HIVEP2: variants seen among roughly 807,000 people sequenced by gnomAD.
HIVEP2 encodes the protein HIVEP zinc finger 2.
Under a neutral mutation model 180.7 loss-of-function variants are expected in HIVEP2, and 14 were observed. The observed-to-expected ratio is 0.08, with a 90% CI of 0.05 to 0.12. The LOEUF (loss-of-function observed/expected upper bound fraction) is 0.12, where lower values mean the gene tolerates loss of function less well. HIVEP2 is among the 10% of genes least tolerant of loss of function. The probability of loss-of-function intolerance (pLI) is 1.00; values close to 1 mark genes in which losing one functional copy is unlikely to be tolerated. For synonymous variants in HIVEP2, 1,184 were observed against 1,136.4 expected, an observed-to-expected ratio of 1.04 and a Z score of -0.84; for missense variants, 2,579 against 3,008.5, an observed-to-expected ratio of 0.86 and a Z score of 3.34.
At chr6:142,837,389 G>T (rs1775251372) in intron 1 of HIVEP2, among the ~76,000 whole-genome samples, 1 of 152,018 alleles carries the variant, frequency 6.6e-6, no homozygotes, top group Admixed American at 6.6e-5. Context: ...TATTGCTTTG[G>T]AATTATACTC....
intron 2 of HIVEP2, among the ~76,000 whole-genome samples, chr6:142,788,914 T>C (rs1042422671): frequency 2.3e-4 from 35 of 152,206 alleles, no homozygotes; most frequent in Non-Finnish European, 4.4e-4. Context: ...GAACTTAATA[T>C]TTAAATAAAA....
chr6:142,924,990 A>T (rs1777770937), intron 1 of HIVEP2, among the ~76,000 whole-genome samples: 1 of 152,186 alleles, frequency 6.6e-6, no homozygotes, highest in African/African-American at 2.4e-5. Context: ...TTGCGGCCAC[A>T]TCTTTTGAGG....
In HIVEP2 at chr6:142,943,956, C is replaced by G. The variant is rs1002377908; in HGVS notation, c.-641+1143G>C. ...ATTATTGCTTCTCTCCTCCAAGTGT[C>G]TTGATTAAGGACCCTCTCTCTTCTC... is the stretch of plus-strand genomic sequence containing the variant. On this transcript the variant is annotated intron_variant, in intron 1 of 9. Transcript: ENST00000367603. The surrounding 1 kb of genome is among the most constrained non-coding windows in gnomAD (Gnocchi z 4.5). Among the ~76,000 whole-genome samples the G allele has an allele frequency of 6.6e-6, 1 of 152,180 alleles. No homozygotes were observed. Among genetic ancestry groups the G allele is most frequent in the African/African-American group, 2.4e-5 (1 of 41,438 alleles).
intron 1 of HIVEP2, among the ~76,000 whole-genome samples, chr6:142,883,599 A>T (rs1452857699): frequency 6.6e-6 from 1 of 152,170 alleles, no homozygotes; most frequent in Non-Finnish European, 1.5e-5. Flanking sequence ...TTCTAATAAC[A>T]TCCCTTACAA....
chr6:142,869,434 T>C lies in HIVEP2; in HGVS notation c.-640-32387A>G, dbSNP rs1458025975. On this transcript the variant is annotated intron_variant, in intron 1 of 9. Coordinates refer to ENST00000367603, the MANE Select transcript of HIVEP2 (RefSeq NM_006734.4). Reference sequence around the variant, plus strand: ...TTCTGACTCAGAATAAAAAAATTATTTCATAAAAATAATGTGTTCAAATGT... The same window carrying C: ...TTCTGACTCAGAATAAAAAAATTATCTCATAAAAATAATGTGTTCAAATGT... Among the ~76,000 whole-genome samples the C allele has an allele frequency of 2.0e-5, 3 of 152,180 alleles. No homozygotes were observed. The East Asian group carries it at 5.8e-4, about 29-fold the overall frequency.
chr6:142,933,970 T>C (rs1351470492), intron 1 of HIVEP2, among the ~76,000 whole-genome samples: 1 of 152,284 alleles, frequency 6.6e-6, no homozygotes, highest in Non-Finnish European at 1.5e-5. Context: ...CTGAATACTT[T>C]GTGACACAAG....
intron 3 of HIVEP2, among the ~76,000 whole-genome samples, chr6:142,781,920 A>G (rs964864273): frequency 1.3e-5 from 2 of 152,196 alleles, no homozygotes; most frequent in East Asian, 1.9e-4. Flanking sequence ...AGGGTTGTCA[A>G]TCTGGGATCT....
Position 142,943,588 on chromosome 6 carries a change from C to G in HIVEP2, c.-641+1511G>C, listed in dbSNP as rs1371780560. Among the ~76,000 whole-genome samples, 1 of 152,076 alleles carries G rather than the reference C, an allele frequency of 6.6e-6. No individual in the cohort carries two copies. Among genetic ancestry groups the G allele is most frequent in the Non-Finnish European group, 1.5e-5 (1 of 68,026 alleles). ...CTGGGTATGCTAGAAAAACACAGAT[C>G]TCTTGTGAATTATTGAGGTCCAGCT... On this transcript the variant is annotated intron_variant, in intron 1 of 9. Transcript: ENST00000367603. The surrounding 1 kb of genome is among the most constrained non-coding windows in gnomAD (Gnocchi z 4.5).
At chr6:142,840,635 T>C (rs1406020422) in intron 1 of HIVEP2, among the ~76,000 whole-genome samples, 1 of 152,152 alleles carries the variant, frequency 6.6e-6, no homozygotes, top group Non-Finnish European at 1.5e-5. Context: ...TTACTAGCCA[T>C]ATGATATTCC....
intron 2 of HIVEP2, among the ~76,000 whole-genome samples, chr6:142,823,426 G>T (rs539891256): frequency 2.0e-5 from 3 of 152,332 alleles, no homozygotes; most frequent in African/African-American, 7.2e-5. Context: ...GAGTTGGAAT[G>T]CCCTGAAGGT....
intron 1 of HIVEP2, among the ~76,000 whole-genome samples, chr6:142,864,243 C>T (rs1382788397): frequency 2.0e-5 from 3 of 152,124 alleles, no homozygotes; most frequent in Admixed American, 2.0e-4. Context: ...AACTCCCAGT[C>T]CCATCACCAG....
At chr6:142,847,526 C>T (rs1481758620) in intron 1 of HIVEP2, among the ~76,000 whole-genome samples, 1 of 152,142 alleles carries the variant, frequency 6.6e-6, no homozygotes, top group African/African-American at 2.4e-5. Context: ...CTCCAAACTC[C>T]TTATAAAAAC....
chr6:142,876,208 G>A (rs992989815), intron 1 of HIVEP2, among the ~76,000 whole-genome samples: 4 of 152,118 alleles, frequency 2.6e-5, no homozygotes, highest in Non-Finnish European at 4.4e-5. Flanking sequence ...ATATATGAGA[G>A]GTGAGGAACT....
At chr6:142,882,628 G>T (rs571708395) in intron 1 of HIVEP2, among the ~76,000 whole-genome samples, 4 of 151,488 alleles carry the variant, frequency 2.6e-5, no homozygotes, top group East Asian at 1.9e-4. Flanking sequence ...AAACAGAAAG[G>T]GGGGGAGGGG....
At chr6:142,907,977 C>T (rs1289396468) in intron 1 of HIVEP2, among the ~76,000 whole-genome samples, 2 of 152,230 alleles carry the variant, frequency 1.3e-5, no homozygotes, top group African/African-American at 4.8e-5. Context: ...CTCTTACCAA[C>T]TGAATTACAG....
chr6:142,757,999 G>A (rs761786890), intron 9 of HIVEP2, among the ~76,000 whole-genome samples: 25 of 151,926 alleles, frequency 1.6e-4, no homozygotes, highest in Non-Finnish European at 2.5e-4. Context: ...AACACAAGCT[G>A]CAGGGATGGC....
At chr6:142,807,168 T>C (rs942249675) in intron 2 of HIVEP2, among the ~76,000 whole-genome samples, 2 of 152,098 alleles carry the variant, frequency 1.3e-5, no homozygotes, top group Non-Finnish European at 2.9e-5. Flanking sequence ...AGACTAAGCA[T>C]TGAGCAAGGA....
intron 1 of HIVEP2, among the ~76,000 whole-genome samples, chr6:142,939,880 A>G (rs184177447): frequency 1.3e-5 from 2 of 152,362 alleles, no homozygotes; most frequent in Admixed American, 1.3e-4. Context: ...TATATAAATT[A>G]TAAAACAGAA....
At position 142,774,694 on chromosome 6, in the gene HIVEP2, C is replaced by T. The variant is rs1277473643; in HGVS notation, c.45G>A (p.Arg15=). ...CTGATGCTTTATCAGTTTCTCCAGA[C>T]CTTGAGGTAGCTTTTTGTCCTAGAG... ...DTALGQKATS[R]SGETDKASGR... is the part of the protein sequence containing the mutation. Residue 15 remains arginine (R), a synonymous_variant, in exon 5 of 10, where the codon AGG becomes AGA. Coordinates refer to ENST00000367603, the MANE Select transcript of HIVEP2 (RefSeq NM_006734.4). The surrounding 1 kb of genome is among the most constrained non-coding windows in gnomAD (Gnocchi z 5.1). 1.2e-6 allele frequency: 2 copies of T among 1,614,204 alleles called. No homozygotes were observed. The highest frequency in any genetic ancestry group is 1.1e-5 in the South Asian group (1 of 91,084).
Sources: allele counts gnomAD v4.1 joint callset (sites outside exome capture counted in the v4.1 genomes callset), GRCh38; gene constraint gnomAD v4.1.1; non-coding constraint Gnocchi (gnomAD v3.1); transcripts MANE v1.5; gene names NCBI Gene and HGNC (gene_info 2026-07-23, HGNC 2026-07-21).